The following GRIN2A variants were observed in gnomAD, a reference collection of about 807,000 sequenced individuals.
The protein encoded by GRIN2A is glutamate receptor ionotropic, NMDA 2A.
Under a neutral mutation model 113.4 loss-of-function variants are expected in GRIN2A, and 22 were observed. The observed-to-expected ratio is 0.19, with a 90% CI of 0.14 to 0.28. The LOEUF (loss-of-function observed/expected upper bound fraction) is 0.28. Among genes scored for constraint, GRIN2A ranks in the 10% least tolerant of loss-of-function variants. GRIN2A has a pLI of 1.00. For missense variants in GRIN2A, 1,502 were observed against 1,887.0 expected (o/e 0.80, Z 3.78); for synonymous variants, 827 against 738.4 (o/e 1.12, Z -1.94).
chr16:10,112,688 G>A, intron 2 of GRIN2A: 1 of 752,996 alleles, frequency 1.3e-6, no homozygotes, highest in East Asian at 2.5e-5. Flanking sequence ...GGGAAAAGGT[G>A]AATATTGTGC....
At chr16:9,939,579 A>G (rs556094913) in intron 2 of GRIN2A, among the ~76,000 whole-genome samples, 4 of 152,290 alleles carry the variant, frequency 2.6e-5, no homozygotes, top group Non-Finnish European at 5.9e-5. Flanking sequence ...TACAATATAC[A>G]AACTGCCTTC....
At chr16:10,105,020 CA>C in intron 2 of GRIN2A, among the ~76,000 whole-genome samples, 1 of 152,246 alleles carries the variant, frequency 6.6e-6, no homozygotes, top group East Asian at 1.9e-4. Context: ...ATTCGTTACA[CA>C]AAAAAGTCTT....
chr16:10,132,315 G>C (rs553473346), intron 2 of GRIN2A, among the ~76,000 whole-genome samples: 21 of 114,044 alleles, frequency 1.8e-4, no homozygotes, highest in South Asian at 3.4e-4. Flanking sequence ...CTGGGCAACA[G>C]AATGAGCAGA....
At chr16:9,790,435 C>T (rs951502647) in intron 11 of GRIN2A, among the ~76,000 whole-genome samples, 4 of 152,198 alleles carry the variant, frequency 2.6e-5, no homozygotes, top group African/African-American at 9.7e-5. Context: ...TTATGATCCA[C>T]TACAGTTGTA....
intron 2 of GRIN2A, among the ~76,000 whole-genome samples, chr16:10,004,057 T>C (rs2046365159): frequency 6.6e-6 from 1 of 152,006 alleles, no homozygotes; most frequent in Non-Finnish European, 1.5e-5. Flanking sequence ...AAAAGGGGGC[T>C]GGGAAAGTTT....
In GRIN2A at chr16:9,754,661, T is replaced by G; in HGVS notation, c.*8488A>C. ...AGATTTAAAAAAATTTAAAAAAGAT[T>G]TTAAAAGTCAATACTGTTCATTCAC... On this transcript the variant is annotated 3_prime_UTR_variant, in exon 13 of 13. Transcript: ENST00000330684. 4.6e-6 allele frequency: 1 copy of G among 217,442 alleles called. No individual in the cohort carries two copies. Among genetic ancestry groups the G allele is most frequent in the East Asian group, 6.9e-5 (1 of 14,574 alleles). The allele number at this position is 217,442 out of a possible 1,614,324, so 13.5% of individuals were successfully genotyped here. A position where few individuals can be genotyped will look rare whatever the true frequency, so the allele number is the denominator to read the frequency against.
At chr16:9,892,953 A>G (rs1420924922) in intron 3 of GRIN2A, among the ~76,000 whole-genome samples, 1 of 143,378 alleles carries the variant, frequency 7.0e-6, no homozygotes, top group Non-Finnish European at 1.5e-5. Flanking sequence ...AAAAAAAAGA[A>G]GAAGAAGAAG....
intron 2 of GRIN2A, among the ~76,000 whole-genome samples, chr16:10,015,454 AT>A: frequency 6.6e-6 from 1 of 152,188 alleles, no homozygotes; most frequent in Non-Finnish European, 1.5e-5. Context: ...CAGGTGACTT[AT>A]TTTAACTCAG....
rs141836166 is a variant in GRIN2A at position 10,089,911 on chromosome 16, T to C, written c.414+90087A>G. Among the ~76,000 whole-genome samples the C allele has an allele frequency of 2.4e-4, 37 of 152,266 alleles. No individual in the cohort carries two copies. In the East Asian group the frequency reaches 6.8e-3, roughly 28 times the overall value. ...AAAACCGATGAGGGGGAGGCTCAAG[T>C]AGTAGTGATCATATCAGAGCATATC... On this transcript the variant is annotated intron_variant, in intron 2 of 12. Transcript: ENST00000330684.
At chr16:10,053,621 T>G (rs7206296) in intron 2 of GRIN2A, among the ~76,000 whole-genome samples, 17,574 of 152,198 alleles carry the variant, frequency 0.12, 1,210 homozygotes, top group African/African-American at 0.18. Flanking sequence ...TGGATTGCCC[T>G]GGGGAGAAAA....
chr16:10,076,724 T>C (rs1288549607), intron 2 of GRIN2A, among the ~76,000 whole-genome samples: 2 of 152,132 alleles, frequency 1.3e-5, no homozygotes, highest in African/African-American at 4.8e-5. Context: ...AAAGTAAATA[T>C]GGAAGAGTCG....
At chr16:9,987,827 G>T (rs904912814) in intron 2 of GRIN2A, among the ~76,000 whole-genome samples, 2 of 152,112 alleles carry the variant, frequency 1.3e-5, no homozygotes, top group Admixed American at 1.3e-4. Context: ...CCCAAGCATG[G>T]AGTCAATTTA....
rs1024370156 is a variant in GRIN2A at position 9,821,586 on chromosome 16, G to C, written c.2168+678C>G. ...GTACTGTCTATTTCCCATCCAAAAG[G>C]CTTTCCATCAGATTTTCTCTCTTAG... On this transcript the variant is annotated intron_variant, in intron 10 of 12. Coordinates refer to ENST00000330684, the MANE Select transcript of GRIN2A (RefSeq NM_001134407.3). 2.6e-5 allele frequency among the ~76,000 whole-genome samples: 4 copies of C among 152,212 alleles called. No homozygotes were observed. In the South Asian group the frequency reaches 8.3e-4, roughly 32 times the overall value.
chr16:9,876,212 G>A (rs1168945875), intron 4 of GRIN2A, among the ~76,000 whole-genome samples: 2 of 152,158 alleles, frequency 1.3e-5, no homozygotes, highest in African/African-American at 2.4e-5. Flanking sequence ...ATGGCCTCTG[G>A]AATGTGCACA....
intron 10 of GRIN2A, among the ~76,000 whole-genome samples, chr16:9,819,380 G>T (rs2042240159): frequency 6.6e-6 from 1 of 151,912 alleles, no homozygotes; most frequent in Non-Finnish European, 1.5e-5. Context: ...CATTAGCCAG[G>T]TGTGGTGGTG....
intron 2 of GRIN2A, among the ~76,000 whole-genome samples, chr16:10,127,553 C>G (rs2048966239): frequency 6.6e-6 from 1 of 152,184 alleles, no homozygotes; most frequent in South Asian, 2.1e-4. Context: ...AGTATCATTT[C>G]TAGCATCATG....
At chr16:9,803,856 T>C (rs749789828) in intron 10 of GRIN2A, among the ~76,000 whole-genome samples, 7 of 152,206 alleles carry the variant, frequency 4.6e-5, no homozygotes, top group Non-Finnish European at 8.8e-5. Flanking sequence ...ATAAGACTTG[T>C]AGAGTAAATG....
chr16:10,159,720 A>T (rs1283687032), intron 2 of GRIN2A, among the ~76,000 whole-genome samples: 1 of 152,186 alleles, frequency 6.6e-6, no homozygotes, highest in Non-Finnish European at 1.5e-5. Flanking sequence ...GATAATATAT[A>T]TTATTTTATA....
chr16:9,965,378 A>T (rs1463837919), intron 2 of GRIN2A, among the ~76,000 whole-genome samples: 1 of 152,234 alleles, frequency 6.6e-6, no homozygotes, highest in Non-Finnish European at 1.5e-5. Context: ...GATGGAACAA[A>T]AATGCCCCCC....
Sources: gnomAD v4.1 joint callset for allele counts (sites outside exome capture counted in the v4.1 genomes callset) on GRCh38, gnomAD v4.1.1 for gene constraint, MANE v1.5 for transcripts, NCBI Gene and HGNC (gene_info 2026-07-23, HGNC 2026-07-21) for gene names.